TOX2: variants seen among roughly 807,000 people sequenced by gnomAD.
The protein encoded by TOX2 is granulosa cell HMG box 1.
In TOX2, 15 loss-of-function variants were observed where a neutral mutation model predicts 47.4. That is an observed-to-expected ratio of 0.32 (90% CI 0.21 to 0.49). The LOEUF (loss-of-function observed/expected upper bound fraction) is 0.49. TOX2 is among the 20% of genes least tolerant of loss of function. The probability of loss-of-function intolerance (pLI) is 0.99; values close to 1 mark genes in which losing one functional copy is unlikely to be tolerated. For missense variants in TOX2, 622 were observed against 673.1 expected (o/e 0.92, Z 0.84); for synonymous variants, 290 against 296.6 (o/e 0.98, Z 0.23).
chr20:44,059,998 G>A (rs2071688957), intron 5 of TOX2, among the ~76,000 whole-genome samples: 1 of 152,146 alleles, frequency 6.6e-6, no homozygotes. Flanking sequence ...AGTATCTGCT[G>A]TCTTCAAGAG....
Position 43,978,281 on chromosome 20 carries a change from C to G in TOX2, c.165+4849C>G, listed in dbSNP as rs527493197. On this transcript the variant is annotated intron_variant, in intron 2 of 8. Transcript: ENST00000341197. ...CCAACTCTGCAACTCCTCATGGGCT[C>G]CAGCTAATCCAGCCAGACTCCAGCC... Among the ~76,000 whole-genome samples the G allele has an allele frequency of 2.0e-5, 3 of 152,244 alleles. No individual in the cohort carries two copies. In the South Asian group the frequency reaches 6.2e-4, roughly 32 times the overall value.
intron 1 of TOX2, among the ~76,000 whole-genome samples, chr20:43,963,541 G>A (rs933161727): frequency 2.6e-5 from 4 of 152,220 alleles, no homozygotes; most frequent in Non-Finnish European, 5.9e-5. Context: ...CTGGACTTCA[G>A]ACTCAGCTCA....
At chr20:44,059,864 T>G (rs2071686146) in intron 5 of TOX2, among the ~76,000 whole-genome samples, 1 of 152,184 alleles carries the variant, frequency 6.6e-6, no homozygotes, top group Non-Finnish European at 1.5e-5. Flanking sequence ...CCACAAGGTA[T>G]TTGGGCAACA....
chr20:43,914,951 G>C lies in TOX2; in HGVS notation c.60G>C (p.Pro20=). The change falls in exon 1 of 9, where the codon CCG becomes CCC. Residue 20 remains proline (P), a synonymous_variant. Transcript: ENST00000341197. This position sits in a 1 kb window ranked among gnomAD's most constrained non-coding sequence, Gnocchi z 4.5. ...TGGGCGCGCGGCCCGGGGCCGAGCCGGCCGGCCTGGCGCACCTGGACTATT... is the reference window on the plus strand; with the variant it reads ...TGGGCGCGCGGCCCGGGGCCGAGCCCGCCGGCCTGGCGCACCTGGACTATT... The part of the protein sequence containing the change: ...PAVGARPGAE[P]AGLAHLDYYH... 1.6e-6 allele frequency: 2 copies of C among 1,252,966 alleles called. No homozygotes were observed. The highest frequency in any genetic ancestry group is 2.0e-6 in the Non-Finnish European group (2 of 997,476). 77.6% of individuals were successfully genotyped at this position (1,252,966 alleles called of 1,614,324 possible).
chr20:43,927,625 C>CCCT (rs2069188238), intron 1 of TOX2, among the ~76,000 whole-genome samples: 47 of 81,344 alleles, frequency 5.8e-4, no homozygotes, highest in African/African-American at 2.6e-3. Flanking sequence ...TCCTTCCTTC[C>CCCT]TCCTTCCTTC....
chr20:44,044,115 A>G (rs1381045779), intron 3 of TOX2, among the ~76,000 whole-genome samples: 2 of 102,130 alleles, frequency 2.0e-5, no homozygotes, highest in Non-Finnish European at 4.5e-5. Flanking sequence ...GGATGAGTTC[A>G]CGTCCTTTGT....
chr20:43,977,280 T>C (rs2070097561), intron 2 of TOX2, among the ~76,000 whole-genome samples: 1 of 152,216 alleles, frequency 6.6e-6, no homozygotes, highest in African/African-American at 2.4e-5. Context: ...TTTGTGTGTG[T>C]GTGTATTTTT....
At chr20:43,982,540 C>T (rs931304719) in intron 2 of TOX2, among the ~76,000 whole-genome samples, 46 of 151,972 alleles carry the variant, frequency 3.0e-4, no homozygotes, top group African/African-American at 8.7e-4. Context: ...CAGAGTGGGA[C>T]GCTGGCTGGT....
At chr20:43,950,717 C>G (rs1445787356) in intron 1 of TOX2, among the ~76,000 whole-genome samples, 1 of 152,044 alleles carries the variant, frequency 6.6e-6, no homozygotes, top group Non-Finnish European at 1.5e-5. Flanking sequence ...CCCTCCATCT[C>G]GACATTCCCA....
intron 1 of TOX2, among the ~76,000 whole-genome samples, chr20:43,961,850 A>G (rs190416902): frequency 6.5e-4 from 99 of 152,088 alleles, no homozygotes; most frequent in African/African-American, 2.3e-3. Flanking sequence ...AAAGGCCTCA[A>G]AGTCGCGAGC....
chr20:44,061,084 C>T (rs926638815), intron 5 of TOX2, among the ~76,000 whole-genome samples: 6 of 152,084 alleles, frequency 3.9e-5, no homozygotes, highest in African/African-American at 1.4e-4. Context: ...ACCGATACCA[C>T]AGAAATACAA....
chr20:43,972,166 C>CT (rs906560649), intron 1 of TOX2, among the ~76,000 whole-genome samples: 10 of 152,188 alleles, frequency 6.6e-5, no homozygotes, highest in African/African-American at 2.4e-4. Context: ...AAGACTTGTG[C>CT]TTGGTCAATT....
chr20:43,941,720 T>G (rs942014514), intron 1 of TOX2, among the ~76,000 whole-genome samples: 4 of 152,202 alleles, frequency 2.6e-5, no homozygotes, highest in African/African-American at 9.7e-5. Flanking sequence ...CTGACTCGCT[T>G]CTGGTCTCTC....
At chr20:44,015,476 T>A (rs2070863692) in intron 3 of TOX2, among the ~76,000 whole-genome samples, 1 of 152,174 alleles carries the variant, frequency 6.6e-6, no homozygotes, top group African/African-American at 2.4e-5. Context: ...ATGTAACACA[T>A]TTATGTTTCC....
intron 3 of TOX2, among the ~76,000 whole-genome samples, chr20:44,029,519 G>T (rs1416024604): frequency 1.3e-5 from 2 of 152,130 alleles, no homozygotes; most frequent in Admixed American, 6.5e-5. Flanking sequence ...TTGCTCAACT[G>T]TAAGGTGGAA....
intron 1 of TOX2, among the ~76,000 whole-genome samples, chr20:43,971,170 T>C (rs562849800): frequency 8.3e-4 from 127 of 152,282 alleles, no homozygotes; most frequent in Non-Finnish European, 1.5e-3. Context: ...CAAACATTTA[T>C]TGAGTACCTT....
chr20:43,983,840 G>C (rs1447990043), intron 2 of TOX2, among the ~76,000 whole-genome samples: 2 of 152,200 alleles, frequency 1.3e-5, no homozygotes, highest in Non-Finnish European at 2.9e-5. Context: ...CCATTTTACA[G>C]AGGAGGAAAC....
chr20:44,019,103 A>G lies in TOX2; in HGVS notation c.411+12311A>G, dbSNP rs559510450. 2.0e-5 allele frequency among the ~76,000 whole-genome samples: 3 copies of G among 152,222 alleles called. No individual in the cohort carries two copies. The East Asian group carries it at 5.8e-4, about 29-fold the overall frequency. On this transcript the variant is annotated intron_variant, in intron 3 of 8. Coordinates refer to ENST00000341197, the MANE Select transcript of TOX2 (RefSeq NM_001098797.2). Reference sequence around the variant, plus strand: ...TGTTGACTGACTGACTGACTGACTGACTGACTGAAAAATGAATGAATGAAT... The same window carrying G: ...TGTTGACTGACTGACTGACTGACTGGCTGACTGAAAAATGAATGAATGAAT...
intron 2 of TOX2, among the ~76,000 whole-genome samples, chr20:43,998,580 A>G (rs10854229): frequency 0.64 from 97,607 of 151,988 alleles, 31,634 homozygotes; most frequent in Middle Eastern, 0.7. Flanking sequence ...AATTTACATA[A>G]AAATTTGTCA....
Sources: gnomAD v4.1 joint callset for allele counts (sites outside exome capture counted in the v4.1 genomes callset) on GRCh38, gnomAD v4.1.1 for gene constraint, Gnocchi (gnomAD v3.1) non-coding constraint, MANE v1.5 for transcripts, NCBI Gene and HGNC (gene_info 2026-07-23, HGNC 2026-07-21) for gene names.